Variants in ADGRF5 observed in about 807,000 individuals in gnomAD.
ADGRF5 encodes G-protein coupled receptor 116.
Under a neutral mutation model 132.3 loss-of-function variants are expected in ADGRF5, and 75 were observed. That is an observed-to-expected ratio of 0.57 (90% CI 0.47 to 0.69). The LOEUF (loss-of-function observed/expected upper bound fraction) is 0.69. ADGRF5 is among the 30% of genes least tolerant of loss of function. The pLI, the probability that ADGRF5 is intolerant of heterozygous loss-of-function variation, is 0.00. For synonymous variants in ADGRF5, 629 were observed against 597.6 expected, an observed-to-expected ratio of 1.05 and a Z score of -0.77; for missense variants, 1,516 against 1,630.6, an observed-to-expected ratio of 0.93 and a Z score of 1.21.
intron 1 of ADGRF5, among the ~76,000 whole-genome samples, chr6:46,941,421 G>GAAAAGAAAAAAGAAAAGAAAAGAAAAGAA (rs1198445591): frequency 1.0e-4 from 4 of 39,122 alleles, no homozygotes; most frequent in African/African-American, 3.2e-4. Flanking sequence ...GAAAAGAAAA[G>GAAAAGAAAAAAGAAAAGAAAAGAAAAGAA]AAAAGAAAAG....
intron 2 of ADGRF5, among the ~76,000 whole-genome samples, chr6:46,901,536 C>G (rs1027537031): frequency 6.6e-6 from 1 of 152,192 alleles, no homozygotes; most frequent in Non-Finnish European, 1.5e-5. Context: ...ATTTAACACC[C>G]TGTGCCAAGA....
At position 46,882,358 on chromosome 6, in the gene ADGRF5, G is replaced by A. The variant is rs537355138; in HGVS notation, c.613-251C>T. Among the ~76,000 whole-genome samples the A allele has an allele frequency of 1.4e-4, 21 of 152,178 alleles. No homozygotes were observed. In the South Asian group the frequency reaches 3.1e-3, roughly 23 times the overall value. The stretch of plus-strand genomic sequence containing the variant: ...CAGGGAAATGTCTAGGAAAGAAAAC[G>A]TGGAGGGAGCAGGGAAGACAGAGAG... On this transcript the variant is annotated intron_variant, in intron 6 of 20. Coordinates refer to ENST00000283296, the MANE Select transcript of ADGRF5 (RefSeq NM_001098518.2).
At chr6:46,916,907 A>T (rs1776465446) in intron 1 of ADGRF5, among the ~76,000 whole-genome samples, 1 of 152,238 alleles carries the variant, frequency 6.6e-6, no homozygotes, top group Admixed American at 6.5e-5. Context: ...AAGAGACAAT[A>T]TTAGTGGAAT....
In ADGRF5 at chr6:46,943,372, T is replaced by C. The variant is rs112236098; in HGVS notation, c.-25+11362A>G. Among the ~76,000 whole-genome samples, 189 of 152,330 alleles carry C rather than the reference T, an allele frequency of 1.2e-3. 1 individual carries two copies. Among genetic ancestry groups the C allele is most frequent in the Middle Eastern group, 6.8e-3 (2 of 294 alleles). On this transcript the variant is annotated intron_variant, in intron 1 of 20. Transcript: ENST00000265417. ...CAATATATGTATTCATATTCACAAATAGGATATTCATTCACTGGACAAATG... is the reference window on the plus strand; with the variant it reads ...CAATATATGTATTCATATTCACAAACAGGATATTCATTCACTGGACAAATG...
In ADGRF5 at chr6:46,865,115, A is replaced by G. The variant is rs867723248; in HGVS notation, c.1917T>C (p.Asp639=). The G allele has an allele frequency of 1.2e-6, 2 of 1,610,856 alleles. No homozygotes were observed. The highest frequency in any genetic ancestry group is 3.3e-5 in the Admixed American group (2 of 60,006). The stretch of plus-strand genomic sequence containing the variant: ...CAGCATTGGTAAAGTGACAACACAC[A>G]TCAACAGTTTTTGAACACCAGGAAA... ...SSVSWCSKTV[D]VCCHFTNAAN... is the part of the protein sequence containing the mutation. Residue 639 remains aspartate (D), a synonymous_variant, in exon 14 of 21, where the codon GAT becomes GAC. Transcript: ENST00000283296.
At position 46,906,658 on chromosome 6, in the gene ADGRF5, C is replaced by A. The variant is rs754779153; in HGVS notation, c.102+3G>T. On this transcript the variant is annotated splice_donor_region_variant and intron_variant, in intron 2 of 20. Transcript: ENST00000283296. ...AATTATAGCAGATATGGATATAACT[C>A]ACCAAAGGATGAATAGTAGACTCGT... is the stretch of plus-strand genomic sequence containing the variant. 2.1e-6 allele frequency: 3 copies of A among 1,420,248 alleles called. No homozygotes were observed. Among genetic ancestry groups the A allele is most frequent in the Non-Finnish European group, 3.0e-6 (3 of 1,004,264 alleles). 88.0% of individuals were successfully genotyped at this position (1,420,248 alleles called of 1,614,324 possible).
At chr6:46,866,820 C>T (rs1770505194) in intron 13 of ADGRF5, 105 bp downstream of exon 13, 2 of 669,386 alleles carry the variant, frequency 3.0e-6, no homozygotes, top group South Asian at 3.8e-5. Flanking sequence ...TTAATTCTAT[C>T]TCTGATACAA....
rs770669143 is a variant in ADGRF5, at chr6:46,858,109, C to T, written c.3774+20G>A. 3 of 1,571,080 alleles carry T rather than the reference C, an allele frequency of 1.9e-6. No homozygotes were observed. The East Asian group carries it at 6.8e-5, about 35-fold the overall frequency. ...TACAGGAATAAAATCTTCCTGAAAG[C>T]TCCGCACTGTAAAACTCACCTGGAA... On this transcript the variant is annotated intron_variant, in intron 17 of 20. Coordinates refer to ENST00000283296, the MANE Select transcript of ADGRF5 (RefSeq NM_001098518.2).
At position 46,879,977 on chromosome 6, in the gene ADGRF5, A is replaced by G; in HGVS notation, c.877T>C (p.Cys293Arg). 6.2e-7 allele frequency: 1 copy of G among 1,614,160 alleles called. No individual in the cohort carries two copies. The highest frequency in any genetic ancestry group is 8.5e-7 in the Non-Finnish European group (1 of 1,180,012). The change falls in exon 9 of 21, where the codon TGT (cysteine) becomes CGT (arginine). Residue 293 changes from cysteine to arginine, a missense_variant. Around this residue, in one of 2 missense-constraint regions of ADGRF5, gnomAD observed 945 missense variants for 929.4 expected, o/e 1.02. Coordinates refer to ENST00000283296, the MANE Select transcript of ADGRF5 (RefSeq NM_001098518.2). ...IFEGDTVSLV[C>R]EKEVLSSNVS... ...TTGGAGGACAAAACTTCCTTTTCAC[A>G]CACCAGACTGACTGTGTCCCCTTCA... is the stretch of plus-strand genomic sequence containing the variant.
rs772737173 is a variant in ADGRF5, at chr6:46,906,699, C to T, written c.64G>A (p.Ala22Thr). Residue 22 changes from alanine to threonine, a missense_variant, in exon 2 of 21, where the codon GCA becomes ACA. Around this residue, in one of 2 missense-constraint regions of ADGRF5, gnomAD observed 945 missense variants for 929.4 expected, o/e 1.02. Transcript: ENST00000283296. ...GTAGACTCGTAATTCCAGTTCAGTG[C>T]AGCTTTGGAAGAATAAATCACAATA... Reference protein sequence around the residue: ...MFIVIYSSKAALNWNYESTIH... With the variant: ...MFIVIYSSKATLNWNYESTIH... 6 of 1,601,068 alleles carry T rather than the reference C, an allele frequency of 3.7e-6. No homozygotes were observed. The highest frequency in any genetic ancestry group is 4.3e-6 in the Non-Finnish European group (5 of 1,168,354).
At chr6:46,869,213 C>G (rs1179044559) in intron 11 of ADGRF5, 121 bp from the exon 12 acceptor site, 1 of 1,501,912 alleles carries the variant, frequency 6.7e-7, no homozygotes, top group Non-Finnish European at 8.8e-7. Flanking sequence ...AATGAACCAT[C>G]CTGACTCTAC....
rs530200140 is a variant in ADGRF5, at chr6:46,914,723, C to A, written c.-25+6990G>T. Among the ~76,000 whole-genome samples, 4 of 151,920 alleles carry A rather than the reference C, an allele frequency of 2.6e-5. No individual in the cohort carries two copies. In the South Asian group the frequency reaches 8.3e-4, roughly 32 times the overall value. On this transcript the variant is annotated intron_variant, in intron 1 of 20. Coordinates refer to ENST00000283296, the MANE Select transcript of ADGRF5 (RefSeq NM_001098518.2). ...TCCTAACTGCTCTTATCTAGTCCGT[C>A]TTGCATTAATTCACCATGTGGAGGG...
At chr6:46,890,550 C>T (rs1189021270) in intron 3 of ADGRF5, among the ~76,000 whole-genome samples, 1 of 151,596 alleles carries the variant, frequency 6.6e-6, no homozygotes, top group African/African-American at 2.4e-5. Context: ...AACCCCGTCT[C>T]TACTAAAAGT....
intron 1 of ADGRF5, among the ~76,000 whole-genome samples, chr6:46,936,745 C>A (rs1040679633): frequency 6.6e-6 from 1 of 152,132 alleles, no homozygotes; most frequent in Non-Finnish European, 1.5e-5. Flanking sequence ...GGAGGCTAGC[C>A]CCGCACTCTA....
In ADGRF5 at chr6:46,892,417, G is replaced by A. The variant is rs114558086; in HGVS notation, c.158-3912C>T. ...AATAATAAATCAAAGAATTATGTAA[G>A]CCTTTGTTTAATTTTATTCAACATA... On this transcript the variant is annotated intron_variant, in intron 3 of 20. Coordinates refer to ENST00000283296, the MANE Select transcript of ADGRF5 (RefSeq NM_001098518.2). 6.7e-3 allele frequency among the ~76,000 whole-genome samples: 1,019 copies of A among 152,118 alleles called. 12 individuals are homozygous for A. Among genetic ancestry groups the A allele is most frequent in the African/African-American group, 0.023 (972 of 41,482 alleles).
upstream of ADGRF5, among the ~76,000 whole-genome samples, chr6:46,924,937 C>T (rs1777173304): frequency 6.6e-6 from 1 of 152,228 alleles, no homozygotes. Flanking sequence ...CCATCACTAT[C>T]TCTTGACTGG....
chr6:46,912,107 T>C (rs576065170), intron 1 of ADGRF5, among the ~76,000 whole-genome samples: 1 of 152,198 alleles, frequency 6.6e-6, no homozygotes, highest in Admixed American at 6.5e-5. Flanking sequence ...AGCCACTGAG[T>C]GGTTAAATAA....
intron 3 of ADGRF5, among the ~76,000 whole-genome samples, chr6:46,896,590 T>A (rs1344486101): frequency 7.9e-5 from 12 of 152,114 alleles, no homozygotes; most frequent in Admixed American, 7.9e-4. Flanking sequence ...AATTAACATT[T>A]TAAAAGTAAT....
At chr6:46,948,884 T>C (rs2113844090) in intron 1 of ADGRF5, among the ~76,000 whole-genome samples, 1 of 152,244 alleles carries the variant, frequency 6.6e-6, no homozygotes, top group Admixed American at 6.5e-5. Context: ...AACATGAGCC[T>C]CTACTCAGGC....
Sources: allele counts gnomAD v4.1 joint callset (sites outside exome capture counted in the v4.1 genomes callset), GRCh38; gene constraint gnomAD v4.1.1; regional missense constraint gnomAD v4.1.1; transcripts MANE v1.5; gene names NCBI Gene and HGNC (gene_info 2026-07-23, HGNC 2026-07-21).